TBCEL: variants seen among roughly 807,000 people sequenced by gnomAD.
The protein encoded by TBCEL is tubulin folding cofactor E like.
A neutral mutation model predicts 44.2 loss-of-function variants in TBCEL; 15 were observed. That is an observed-to-expected ratio of 0.34 (90% CI 0.23 to 0.52). TBCEL has a LOEUF of 0.52. TBCEL is among the 20% of genes least tolerant of loss of function. The pLI is 0.95. For synonymous variants in TBCEL, 171 were observed against 185.4 expected, an observed-to-expected ratio of 0.92 and a Z score of 0.63; for missense variants, 319 against 506.3, an observed-to-expected ratio of 0.63 and a Z score of 3.55.
At chr11:121,068,816 G>A (rs1489755579) in intron 8 of TBCEL, among the ~76,000 whole-genome samples, 1 of 151,800 alleles carries the variant, frequency 6.6e-6, no homozygotes, top group East Asian at 1.9e-4. Flanking sequence ...GAACCCGAGA[G>A]GCGGAGGTTG....
At chr11:121,033,838 C>A (rs78918029) in intron 1 of TBCEL, among the ~76,000 whole-genome samples, 3,597 of 151,646 alleles carry the variant, frequency 0.024, 131 homozygotes, top group African/African-American at 0.068. Flanking sequence ...TCCTGACAAT[C>A]ACCATTCTAC....
intron 8 of TBCEL, 89 bp downstream of exon 8, chr11:121,060,174 A>G (rs1382556391): frequency 5.9e-6 from 5 of 854,162 alleles, no homozygotes; most frequent in Non-Finnish European, 9.5e-6. Context: ...ATCATTTGTT[A>G]TTGGACCCTT....
intron 2 of TBCEL, among the ~76,000 whole-genome samples, chr11:121,041,862 A>G (rs1173473025): frequency 6.6e-6 from 1 of 151,468 alleles, no homozygotes; most frequent in Non-Finnish European, 1.5e-5. Flanking sequence ...TAATCCAATA[A>G]TGTATCCTGG....
At chr11:121,050,517 T>C (rs992777396) in intron 4 of TBCEL, among the ~76,000 whole-genome samples, 2 of 151,790 alleles carry the variant, frequency 1.3e-5, no homozygotes, top group African/African-American at 2.4e-5. Context: ...TGGGCACCTA[T>C]GTTTAAAAAT....
intron 8 of TBCEL, among the ~76,000 whole-genome samples, chr11:121,070,498 A>G (rs1474205971): frequency 1.3e-5 from 2 of 152,206 alleles, no homozygotes; most frequent in Non-Finnish European, 2.9e-5. Flanking sequence ...TGTGGCACAT[A>G]TACACCATGG....
intron 2 of TBCEL, 43 bp downstream of exon 2, chr11:121,036,655 CT>C (rs947540856): frequency 6.6e-6 from 1 of 151,990 alleles, no homozygotes; most frequent in African/African-American, 2.4e-5. Flanking sequence ...TTTTTTTCCC[CT>C]CATATTTCTC....
chr11:121,041,947 G>A (rs1012316269), intron 2 of TBCEL, among the ~76,000 whole-genome samples: 3 of 149,446 alleles, frequency 2.0e-5, no homozygotes, highest in East Asian at 2.0e-4. Context: ...AAAAAAAATC[G>A]TATTTGGAAG....
chr11:121,062,863 A>G (rs906874183), intron 8 of TBCEL, among the ~76,000 whole-genome samples: 19 of 152,196 alleles, frequency 1.2e-4, no homozygotes, highest in Non-Finnish European at 1.6e-4. Flanking sequence ...ATCTCTAGAC[A>G]CCACATGCTG....
intron 8 of TBCEL, among the ~76,000 whole-genome samples, chr11:121,081,922 A>G (rs561010663): frequency 6.6e-6 from 1 of 152,216 alleles, no homozygotes; most frequent in Non-Finnish European, 1.5e-5. Flanking sequence ...CCACATCCAA[A>G]GCCTAACCCA....
intron 2 of TBCEL, among the ~76,000 whole-genome samples, chr11:121,043,821 T>C (rs1314091773): frequency 6.6e-6 from 1 of 152,174 alleles, no homozygotes; most frequent in Admixed American, 6.5e-5. Flanking sequence ...TATTGTCTTA[T>C]TGTCCTTATT....
At position 121,055,054 on chromosome 11, in the gene TBCEL, T is replaced by C; in HGVS notation, c.458T>C (p.Leu153Ser). 6.7e-7 allele frequency: 1 copy of C among 1,485,972 alleles called. No homozygotes were observed. The highest frequency in any genetic ancestry group is 9.0e-7 in the Non-Finnish European group (1 of 1,113,024). The allele number at this position is 1,485,972 out of a possible 1,614,324, so 92.0% of individuals were successfully genotyped here. The change falls in exon 6 of 9, where the codon TTG (leucine) becomes TCG (serine). Residue 153 changes from leucine to serine, a missense_variant and splice_region_variant. Physicochemically the swap from Leu to Ser is moderately radical, Grantham distance 145. Transcript: ENST00000683345. Reference protein sequence around the residue: ...VHMILQELPDLEELFLCLNDY... With the variant: ...VHMILQELPDSEELFLCLNDY... The stretch of plus-strand genomic sequence containing the variant: ...AATATTTCCTTTTTTCTCTGCAGTT[T>C]GGAGGAGCTCTTCCTGTGCCTTAAT...
At chr11:121,030,038 T>C (rs1382699433) in intron 1 of TBCEL, among the ~76,000 whole-genome samples, 1 of 151,910 alleles carries the variant, frequency 6.6e-6, no homozygotes, top group Non-Finnish European at 1.5e-5. Context: ...TGACTATGAG[T>C]GATGGTGGCA....
rs1328679004 is a variant in TBCEL at position 121,086,807 on chromosome 11, A to G, written c.986A>G (p.Lys329Arg). Residue 329 changes from lysine to arginine, a missense_variant, in exon 9 of 9, where the codon AAG (lysine) becomes AGG (arginine). By Grantham distance (26) the Lys-to-Arg change is conservative. Transcript: ENST00000683345. Reference protein sequence around the residue: ...RYHELITKYGKLEPLAEVDLR... With the variant: ...RYHELITKYGRLEPLAEVDLR... ...CATGAACTGATCACTAAATATGGGA[A>G]GTTGGAGCCTTTGGCAGAAGTGGAC... 6.2e-7 allele frequency: 1 copy of G among 1,613,794 alleles called. No homozygotes were observed. Among genetic ancestry groups the G allele is most frequent in the Non-Finnish European group, 8.5e-7 (1 of 1,179,886 alleles).
chr11:121,057,137 T>C (rs1397291265), intron 6 of TBCEL, among the ~76,000 whole-genome samples: 1 of 151,854 alleles, frequency 6.6e-6, no homozygotes, highest in Non-Finnish European at 1.5e-5. Flanking sequence ...CTAACTTTTC[T>C]TCCTCCTTGA....
intron 2 of TBCEL, among the ~76,000 whole-genome samples, chr11:121,045,326 T>G (rs1423655743): frequency 2.6e-5 from 4 of 152,148 alleles, no homozygotes; most frequent in African/African-American, 7.2e-5. Flanking sequence ...AATCTGTACC[T>G]TCTTTTTCAG....
intron 1 of TBCEL, among the ~76,000 whole-genome samples, chr11:121,026,747 T>C (rs558386993): frequency 6.6e-6 from 1 of 152,346 alleles, no homozygotes; most frequent in East Asian, 1.9e-4. Flanking sequence ...CAGGGAAATA[T>C]TTGTTTTAAA....
intron 8 of TBCEL, among the ~76,000 whole-genome samples, chr11:121,070,118 G>A (rs1242256334): frequency 6.6e-6 from 1 of 152,106 alleles, no homozygotes; most frequent in Admixed American, 6.5e-5. Flanking sequence ...ATCATCACTG[G>A]CCATCAGAGA....
intron 6 of TBCEL, chr11:121,057,641 C>A: frequency 2.2e-6 from 1 of 453,946 alleles, no homozygotes; most frequent in Non-Finnish European, 4.4e-6. Flanking sequence ...TGAACATGCA[C>A]AGACTTTTTT....
chr11:121,077,991 T>A (rs1345928679), intron 8 of TBCEL, among the ~76,000 whole-genome samples: 1 of 152,156 alleles, frequency 6.6e-6, no homozygotes, highest in Non-Finnish European at 1.5e-5. Context: ...GTTTTACTAT[T>A]TCAATTCTTT....
Sources: gnomAD v4.1 joint callset for allele counts (sites outside exome capture counted in the v4.1 genomes callset) on GRCh38, gnomAD v4.1.1 for gene constraint, MANE v1.5 for transcripts, NCBI Gene and HGNC (gene_info 2026-07-23, HGNC 2026-07-21) for gene names.